Variants in CTNNA3 observed in about 807,000 individuals in gnomAD.
The protein encoded by CTNNA3 is catenin alpha-3.
In CTNNA3, 76 loss-of-function variants were observed where a neutral mutation model predicts 95.7. That is an observed-to-expected ratio of 0.79 (90% CI 0.66 to 0.96). The LOEUF (loss-of-function observed/expected upper bound fraction) is 0.96, where lower values mean the gene tolerates loss of function less well. Among genes scored for constraint, CTNNA3 ranks in the 40% least tolerant of loss-of-function variants. The pLI is 0.00. For missense variants in CTNNA3, 1,191 were observed against 1,089.8 expected, an observed-to-expected ratio of 1.09 and a Z score of -1.31; for synonymous variants, 431 against 374.4, an observed-to-expected ratio of 1.15 and a Z score of -1.74.
intron 13 of CTNNA3, among the ~76,000 whole-genome samples, chr10:66,116,810 C>T (rs1466332035): frequency 6.6e-6 from 1 of 152,078 alleles, no homozygotes; most frequent in East Asian, 1.9e-4. Flanking sequence ...AGCACATCTT[C>T]ACATGGAGCA....
chr10:67,035,058 T>C (rs1045184050), intron 7 of CTNNA3, among the ~76,000 whole-genome samples: 2 of 152,240 alleles, frequency 1.3e-5, no homozygotes, highest in South Asian at 2.1e-4. Flanking sequence ...CTGTATTTTA[T>C]GAATACTGAT....
At chr10:67,133,449 T>C (rs1161766132) in intron 7 of CTNNA3, among the ~76,000 whole-genome samples, 2 of 147,176 alleles carry the variant, frequency 1.4e-5, no homozygotes, top group Non-Finnish European at 3.0e-5. Flanking sequence ...ACACAGAAGG[T>C]AAATGGTTGG....
intron 5 of CTNNA3, among the ~76,000 whole-genome samples, chr10:67,487,437 C>G (rs1454211084): frequency 6.6e-6 from 1 of 152,094 alleles, no homozygotes; most frequent in Non-Finnish European, 1.5e-5. Context: ...CCTCTCTCAA[C>G]TTCTGGCTGA....
At chr10:66,402,538 T>C (rs923683811) in intron 11 of CTNNA3, among the ~76,000 whole-genome samples, 1 of 152,176 alleles carries the variant, frequency 6.6e-6, no homozygotes, top group Non-Finnish European at 1.5e-5. Context: ...ATATTAACAG[T>C]TAACAGAGAC....
chr10:66,721,231 G>C (rs891186580), intron 9 of CTNNA3, among the ~76,000 whole-genome samples: 6 of 152,224 alleles, frequency 3.9e-5, no homozygotes, highest in Non-Finnish European at 7.4e-5. Flanking sequence ...TGAGGTACTT[G>C]GTTATGGGCA....
intron 7 of CTNNA3, among the ~76,000 whole-genome samples, chr10:67,163,785 G>C (rs909264231): frequency 6.6e-6 from 1 of 151,934 alleles, no homozygotes; most frequent in Non-Finnish European, 1.5e-5. Flanking sequence ...GTGATTTCAG[G>C]AGGGTTGCAG....
intron 7 of CTNNA3, among the ~76,000 whole-genome samples, chr10:66,840,325 C>CTCTT (rs1252903552): frequency 2.5e-5 from 1 of 40,054 alleles, no homozygotes; most frequent in African/African-American, 5.5e-5. Context: ...AAGAAGCCAT[C>CTCTT]TCTCTCTCTC....
chr10:66,047,827 C>T (rs2079860847), intron 15 of CTNNA3, among the ~76,000 whole-genome samples: 1 of 151,982 alleles, frequency 6.6e-6, no homozygotes, highest in Admixed American at 6.6e-5. Flanking sequence ...TCCTATACAC[C>T]CACAATAGCC....
At chr10:67,384,053 G>T (rs1020750845) in intron 5 of CTNNA3, among the ~76,000 whole-genome samples, 1 of 152,074 alleles carries the variant, frequency 6.6e-6, no homozygotes, top group African/African-American at 2.4e-5. Flanking sequence ...CTACACTAGC[G>T]TGAGAAACAT....
intron 3 of CTNNA3, among the ~76,000 whole-genome samples, chr10:67,601,354 G>C (rs1450666961): frequency 1.3e-5 from 2 of 152,108 alleles, no homozygotes; most frequent in African/African-American, 2.4e-5. Context: ...GTCTCATAAA[G>C]AGCACACAAA....
At chr10:67,257,450 A>C (rs1866402257) in intron 5 of CTNNA3, among the ~76,000 whole-genome samples, 1 of 152,212 alleles carries the variant, frequency 6.6e-6, no homozygotes, top group African/African-American at 2.4e-5. Context: ...GTTTCTAATT[A>C]TATTCCTACA....
Position 65,913,093 on chromosome 10 carries a change from A to G in CTNNA3, c.*7237T>C, listed in dbSNP as rs908934939. 1.3e-5 allele frequency: 2 copies of G among 152,174 alleles called. No homozygotes were observed. The highest frequency in any genetic ancestry group is 6.6e-5 in the Admixed American group (1 of 15,254). 9.4% of individuals were successfully genotyped at this position (152,174 alleles called of 1,614,324 possible). A position where few individuals can be genotyped will look rare whatever the true frequency, so the allele number is the denominator to read the frequency against. ...ATTATGAATTGGTTACTTTTATTTCATCTCAGAAAGTCTTAGTTTAAATCT... is the reference window on the plus strand; with the variant it reads ...ATTATGAATTGGTTACTTTTATTTCGTCTCAGAAAGTCTTAGTTTAAATCT... On this transcript the variant is annotated 3_prime_UTR_variant, in exon 18 of 18. Coordinates refer to ENST00000433211, the MANE Select transcript of CTNNA3 (RefSeq NM_013266.4).
At chr10:67,142,382 C>T (rs1311140079) in intron 7 of CTNNA3, among the ~76,000 whole-genome samples, 1 of 152,058 alleles carries the variant, frequency 6.6e-6, no homozygotes, top group Non-Finnish European at 1.5e-5. Context: ...ATGAAAAATA[C>T]ATGTGTGTAT....
At chr10:66,508,239 C>T (rs1840533861) in intron 11 of CTNNA3, among the ~76,000 whole-genome samples, 1 of 105,212 alleles carries the variant, frequency 9.5e-6, no homozygotes, top group Non-Finnish European at 2.0e-5. Flanking sequence ...ATTTCGTTGA[C>T]TCTCAGAGTC....
At chr10:66,648,105 C>T (rs192293182) in intron 9 of CTNNA3, among the ~76,000 whole-genome samples, 165 of 152,168 alleles carry the variant, frequency 1.1e-3, no homozygotes, top group Non-Finnish European at 8.7e-4. Context: ...TCCCATTGGC[C>T]CTGCTTTTAT....
At chr10:67,127,066 T>G (rs550623570) in intron 7 of CTNNA3, among the ~76,000 whole-genome samples, 1 of 152,204 alleles carries the variant, frequency 6.6e-6, no homozygotes, top group Non-Finnish European at 1.5e-5. Flanking sequence ...TAAACACTCA[T>G]TTCTATGTAT....
intron 9 of CTNNA3, among the ~76,000 whole-genome samples, chr10:66,644,316 A>C (rs113980662): frequency 6.0e-4 from 88 of 147,896 alleles, no homozygotes; most frequent in African/African-American, 2.1e-3. Context: ...CTATATATAT[A>C]TATATATAAA....
At chr10:67,183,056 T>C (rs1313796776) in intron 6 of CTNNA3, among the ~76,000 whole-genome samples, 1 of 152,154 alleles carries the variant, frequency 6.6e-6, no homozygotes, top group Non-Finnish European at 1.5e-5. Context: ...CTGGAGAGGA[T>C]ATGGAGAAAC....
chr10:67,505,736 C>T (rs1839408661), intron 5 of CTNNA3, among the ~76,000 whole-genome samples: 3 of 152,200 alleles, frequency 2.0e-5, no homozygotes, highest in African/African-American at 7.2e-5. Context: ...GATGCAACCA[C>T]AGATCATTAC....
Sources: gnomAD v4.1 joint callset for allele counts (sites outside exome capture counted in the v4.1 genomes callset) on GRCh38, gnomAD v4.1.1 for gene constraint, MANE v1.5 for transcripts, NCBI Gene and HGNC (gene_info 2026-07-23, HGNC 2026-07-21) for gene names.